Variants in TRDN observed in about 807,000 individuals in gnomAD.
The protein encoded by TRDN is triadin, also known as triadin in skeletal muscle.
Under a neutral mutation model 149.7 loss-of-function variants are expected in TRDN, and 161 were observed. The observed-to-expected ratio is 1.08, with a 90% CI of 0.95 to 1.23. The LOEUF (loss-of-function observed/expected upper bound fraction) is 1.23. TRDN is among the 50% of genes most tolerant of loss of function. The pLI is 0.00. For missense variants in TRDN, 896 were observed against 823.5 expected (o/e 1.09, Z -1.08); for synonymous variants, 294 against 250.5 (o/e 1.17, Z -1.64).
At chr6:123,457,468 G>C (rs1287861760) in intron 10 of TRDN, 3 of 347,184 alleles carry the variant, frequency 8.6e-6, no homozygotes, top group South Asian at 4.8e-5. Context: ...AAAGAAGAAA[G>C]TTGTAAGTTT....
intron 24 of TRDN, among the ~76,000 whole-genome samples, chr6:123,305,327 T>C (rs775695013): frequency 2.0e-5 from 3 of 152,110 alleles, no homozygotes; most frequent in Non-Finnish European, 4.4e-5. Flanking sequence ...TAAAAACATG[T>C]TTACAAAGAA....
chr6:123,479,319 T>C (rs1391807080), intron 9 of TRDN, among the ~76,000 whole-genome samples: 1 of 152,198 alleles, frequency 6.6e-6, no homozygotes, highest in Non-Finnish European at 1.5e-5. Context: ...CAAAGAAAGT[T>C]ATACATTTTT....
At chr6:123,473,708 C>T (rs986844027) in intron 9 of TRDN, among the ~76,000 whole-genome samples, 1 of 151,512 alleles carries the variant, frequency 6.6e-6, no homozygotes, top group Non-Finnish European at 1.5e-5. Context: ...GGTCGGGTTA[C>T]CCTCAAAGGG....
chr6:123,343,620 G>A (rs1780145011), intron 21 of TRDN, among the ~76,000 whole-genome samples: 1 of 151,794 alleles, frequency 6.6e-6, no homozygotes, highest in Non-Finnish European at 1.5e-5. Context: ...TAGTGAACTG[G>A]ACTAATTCTT....
chr6:123,581,039 A>C (rs1327487144), intron 1 of TRDN, among the ~76,000 whole-genome samples: 1 of 152,166 alleles, frequency 6.6e-6, no homozygotes, highest in Non-Finnish European at 1.5e-5. Flanking sequence ...CAGGCATCTG[A>C]GACTACAAGG....
chr6:123,555,547 A>G (rs1222947008), intron 2 of TRDN, among the ~76,000 whole-genome samples: 1 of 152,106 alleles, frequency 6.6e-6, no homozygotes, highest in Non-Finnish European at 1.5e-5. Context: ...TGCAGGAAGG[A>G]TGGCTATATT....
At chr6:123,277,807 G>A (rs1410522308) in intron 26 of TRDN, among the ~76,000 whole-genome samples, 1 of 152,216 alleles carries the variant, frequency 6.6e-6, no homozygotes, top group Non-Finnish European at 1.5e-5. Flanking sequence ...CCAGTTTGTG[G>A]AATTTAAGCC....
chr6:123,631,437 A>C (rs1270952650), intron 1 of TRDN, among the ~76,000 whole-genome samples: 1 of 152,036 alleles, frequency 6.6e-6, no homozygotes, highest in Non-Finnish European at 1.5e-5. Context: ...TACCAATAAT[A>C]TGAAACTAAC....
chr6:123,274,673 G>A lies in TRDN; in HGVS notation c.1568-3C>T. ...TGCTTCTTTTTTAATTTGGGGCTCT[G>A]AGGGAGAGAAAAGGCAGAAAATTTA... On this transcript the variant is annotated splice_region_variant and splice_polypyrimidine_tract_variant and intron_variant, in intron 26 of 40. Transcript: ENST00000334268. 6.2e-7 allele frequency: 1 copy of A among 1,607,486 alleles called. No individual in the cohort carries two copies. The highest frequency in any genetic ancestry group is 1.7e-5 in the Admixed American group (1 of 59,522).
intron 12 of TRDN, chr6:123,421,565 C>T (rs1032425004): frequency 6.6e-6 from 1 of 152,162 alleles, no homozygotes; most frequent in African/African-American, 2.4e-5. Context: ...TCCCACCTAA[C>T]CTCTTTTGAC....
At chr6:123,551,203 G>GATATATATATATATATATATCTATATAT (rs10547981) in intron 2 of TRDN, among the ~76,000 whole-genome samples, 1 of 118,024 alleles carries the variant, frequency 8.5e-6, no homozygotes, top group Non-Finnish European at 1.9e-5. Context: ...GTATTTTGCA[G>GATATATATATATATATATATCTATATAT]ATATATATAT....
At chr6:123,382,779 C>A (rs968851787) in intron 14 of TRDN, among the ~76,000 whole-genome samples, 1 of 151,904 alleles carries the variant, frequency 6.6e-6, no homozygotes, top group Non-Finnish European at 1.5e-5. Context: ...AGTAGACGGG[C>A]ATTCAGCCTA....
intron 12 of TRDN, among the ~76,000 whole-genome samples, chr6:123,402,702 T>C (rs770521227): frequency 2.0e-5 from 3 of 152,102 alleles, no homozygotes; most frequent in Non-Finnish European, 4.4e-5. Flanking sequence ...CCCTTTAGCA[T>C]AGAAGCCAGG....
intron 1 of TRDN, among the ~76,000 whole-genome samples, chr6:123,630,446 A>T (rs2114739235): frequency 6.6e-6 from 1 of 152,120 alleles, no homozygotes; most frequent in East Asian, 1.9e-4. Flanking sequence ...TTGTTAACTG[A>T]TTAAAAATTA....
chr6:123,295,630 A>G (rs190206976), intron 24 of TRDN, among the ~76,000 whole-genome samples: 5 of 152,322 alleles, frequency 3.3e-5, no homozygotes, highest in Admixed American at 6.5e-5. Flanking sequence ...CAATGCATCC[A>G]TAAATCAGAA....
At chr6:123,634,679 G>A (rs1684911556) in intron 1 of TRDN, among the ~76,000 whole-genome samples, 1 of 151,792 alleles carries the variant, frequency 6.6e-6, no homozygotes, top group South Asian at 2.1e-4. Flanking sequence ...AAGAATGACT[G>A]TGCTTCCTTA....
intron 2 of TRDN, among the ~76,000 whole-genome samples, chr6:123,553,436 A>C (rs989712314): frequency 6.6e-6 from 1 of 152,126 alleles, no homozygotes; most frequent in African/African-American, 2.4e-5. Context: ...GCAAGAAAAC[A>C]GGGGTCCCAG....
At chr6:123,431,593 GA>G (rs1232628747) in intron 12 of TRDN, among the ~76,000 whole-genome samples, 1 of 151,998 alleles carries the variant, frequency 6.6e-6, no homozygotes, top group Non-Finnish European at 1.5e-5. Flanking sequence ...TGGGTGATCA[GA>G]AAAAAAGCTA....
intron 24 of TRDN, among the ~76,000 whole-genome samples, chr6:123,296,801 T>C (rs891989657): frequency 3.3e-5 from 5 of 152,048 alleles, no homozygotes; most frequent in African/African-American, 7.2e-5. Context: ...TAATATTATT[T>C]ACACAATGCT....
Sources: allele counts gnomAD v4.1 joint callset (sites outside exome capture counted in the v4.1 genomes callset), GRCh38; gene constraint gnomAD v4.1.1; transcripts MANE v1.5; gene names NCBI Gene and HGNC (gene_info 2026-07-23, HGNC 2026-07-21).